The following TCL1B variants were observed in gnomAD, a reference collection of about 807,000 sequenced individuals.
TCL1B encodes TCL1 family AKT coactivator B, also known as T-cell leukemia/lymphoma protein 1B.
Under a neutral mutation model 16.9 loss-of-function variants are expected in TCL1B, and 14 were observed. The ratio of observed to expected loss-of-function variants is 0.83; its 90% CI spans 0.55 to 1.30. TCL1B has a LOEUF of 1.30. Among genes scored for constraint, TCL1B ranks in the 50% most tolerant of loss-of-function variants. The pLI is 0.00. For synonymous variants in TCL1B, 79 were observed against 66.6 expected, an observed-to-expected ratio of 1.19 and a Z score of -0.91; for missense variants, 166 against 165.2, an observed-to-expected ratio of 1.00 and a Z score of -0.03.
chr14:95,691,464 C>T, intron 3 of TCL1B, 128 bp downstream of exon 3: 1 of 770,082 alleles, frequency 1.3e-6, no homozygotes, highest in South Asian at 1.7e-5. Context: ...ACATAGCCAC[C>T]TGTCACCTCT....
chr14:95,689,082 C>T (rs58390694), intron 1 of TCL1B, among the ~76,000 whole-genome samples: 42,521 of 151,724 alleles, frequency 0.28, 6,643 homozygotes, highest in East Asian at 0.57. Context: ...GTCAGGAGAT[C>T]GAGACCATCC....
rs1249967996 is a variant in TCL1B, at chr14:95,692,198, A to C, written c.*283A>C. ...GAGCCAGTTTCCCCTGCTGGCTGCAAGCTGTGGGTTCTTTCTCCTCTGTGC... is the reference window on the plus strand; with the variant it reads ...GAGCCAGTTTCCCCTGCTGGCTGCACGCTGTGGGTTCTTTCTCCTCTGTGC... On this transcript the variant is annotated 3_prime_UTR_variant, in exon 4 of 4. Coordinates refer to ENST00000340722, the MANE Select transcript of TCL1B (RefSeq NM_004918.4). The C allele has an allele frequency of 6.5e-6, 1 of 153,066 alleles. No individual in the cohort carries two copies. The highest frequency in any genetic ancestry group is 1.5e-5 in the Non-Finnish European group (1 of 68,806). 9.5% of individuals were successfully genotyped at this position (153,066 alleles called of 1,614,324 possible). A position where few individuals can be genotyped will look rare whatever the true frequency, so the allele number is the denominator to read the frequency against.
chr14:95,691,418 GCCT>G, intron 3 of TCL1B, 82 bp downstream of exon 3: 13 of 1,318,280 alleles, frequency 9.9e-6, no homozygotes, highest in Non-Finnish European at 1.4e-5. Context: ...AGACGGCGTG[GCCT>G]CCTCCTCCCT....
At chr14:95,690,975 C>T (rs2139706044) in intron 2 of TCL1B, 69 bp downstream of exon 2, 1 of 1,560,128 alleles carries the variant, frequency 6.4e-7, no homozygotes, top group East Asian at 2.3e-5. Context: ...CCTCTCTCTT[C>T]TGTGCCCCTG....
chr14:95,686,482 T>G lies in TCL1B; in HGVS notation c.15T>G (p.Ala5=). Residue 5 remains alanine, a synonymous_variant, in exon 1 of 4, where the codon GCT becomes GCG. Transcript: ENST00000340722. Reference sequence around the variant, plus strand: ...GCAGACTTGCCATGGCCTCCGAAGCTTCTGTGCGTCTAGGGGTGCCCCCTG... The same window carrying G: ...GCAGACTTGCCATGGCCTCCGAAGCGTCTGTGCGTCTAGGGGTGCCCCCTG... The part of the protein sequence containing the change: MASE[A]SVRLGVPPGR... The G allele has an allele frequency of 6.2e-7, 1 of 1,601,724 alleles. No individual in the cohort carries two copies. Among genetic ancestry groups the G allele is most frequent in the Non-Finnish European group, 8.5e-7 (1 of 1,174,156 alleles).
At position 95,692,412 on chromosome 14, in the gene TCL1B, G is replaced by C. The variant is rs918693307; in HGVS notation, c.*497G>C. ...TGGATGTGGACTTGGATGCCCTGTG[G>C]GTATCAGTTCTGCTGACACTTTGGC... On this transcript the variant is annotated 3_prime_UTR_variant, in exon 4 of 4. Coordinates refer to ENST00000340722, the MANE Select transcript of TCL1B (RefSeq NM_004918.4). The C allele has an allele frequency of 6.6e-6, 1 of 152,358 alleles. No homozygotes were observed. Among genetic ancestry groups the C allele is most frequent in the Admixed American group, 6.5e-5 (1 of 15,288 alleles). The allele number at this position is 152,358 out of a possible 1,614,324, so 9.4% of individuals were successfully genotyped here.
At chr14:95,686,763 C>T (rs1046082341) in intron 1 of TCL1B, 134 bp downstream of exon 1, 4 of 1,109,450 alleles carry the variant, frequency 3.6e-6, no homozygotes, top group Admixed American at 3.2e-5. Context: ...GGTCTAGGAG[C>T]GCAGCAATGT....
intron 1 of TCL1B, among the ~76,000 whole-genome samples, chr14:95,687,746 A>G (rs1217369550): frequency 6.6e-6 from 1 of 152,010 alleles, no homozygotes; most frequent in Non-Finnish European, 1.5e-5. Flanking sequence ...AGATCAGGAG[A>G]TCGAGACCAT....
At position 95,690,898 on chromosome 14, in the gene TCL1B, C is replaced by A. The variant is rs1462838887; in HGVS notation, c.325C>A (p.His109Asn). 6.2e-7 allele frequency: 1 copy of A among 1,613,510 alleles called. No individual in the cohort carries two copies. Among genetic ancestry groups the A allele is most frequent in the East Asian group, 2.2e-5 (1 of 44,876 alleles). The change falls in exon 2 of 4, where the codon CAT becomes AAT. Residue 109 changes from histidine to asparagine, a missense_variant. His to Asn is a moderately conservative substitution (Grantham distance 68). Coordinates refer to ENST00000340722, the MANE Select transcript of TCL1B (RefSeq NM_004918.4). ...TTCCAGTTTCTGGGAAATAGCAGAC[C>A]ATGGCCAGGCAAGTGTGTGGTGGTT... ...ADSSFWEIAD[H>N]GQIDSMEQLV...
At chr14:95,689,043 T>C (rs1426877371) in intron 1 of TCL1B, among the ~76,000 whole-genome samples, 1 of 152,088 alleles carries the variant, frequency 6.6e-6, no homozygotes, top group East Asian at 1.9e-4. Context: ...TCCCAGCACT[T>C]TGGGGGGCCG....
intron 1 of TCL1B, among the ~76,000 whole-genome samples, chr14:95,689,121 C>T (rs1287468736): frequency 6.6e-6 from 1 of 151,934 alleles, no homozygotes; most frequent in East Asian, 1.9e-4. Context: ...CCCGTCTCTA[C>T]TAAAAATACA....
At chr14:95,688,002 CTGTT>C (rs986755792) in intron 1 of TCL1B, among the ~76,000 whole-genome samples, 10 of 150,238 alleles carry the variant, frequency 6.7e-5, no homozygotes, top group African/African-American at 1.7e-4. Flanking sequence ...AATTCACTGC[CTGTT>C]TGTTTGTTTT....
intron 3 of TCL1B, chr14:95,691,604 A>C (rs1400737344): frequency 1.6e-5 from 5 of 317,860 alleles, no homozygotes; most frequent in Non-Finnish European, 2.9e-5. Context: ...TGTACGTGTT[A>C]ATGTCCCATT....
intron 1 of TCL1B, chr14:95,688,356 C>A (rs914411888): frequency 6.6e-6 from 1 of 151,980 alleles, no homozygotes; most frequent in Non-Finnish European, 1.5e-5. Flanking sequence ...TAGGTTATTT[C>A]AAAAAATGTT....
rs773337089 is a variant in TCL1B at position 95,686,503 on chromosome 14, C to G, written c.36C>G (p.Pro12=). The G allele has an allele frequency of 8.7e-6, 14 of 1,612,480 alleles. No individual in the cohort carries two copies. The highest frequency in any genetic ancestry group is 1.1e-5 in the Non-Finnish European group (13 of 1,179,114). The change falls in exon 1 of 4, where the codon CCC becomes CCG. Residue 12 remains proline, a synonymous_variant. Transcript: ENST00000340722. The part of the protein sequence containing the change: ...ASEASVRLGV[P]PGRLWIQRPG... ...AAGCTTCTGTGCGTCTAGGGGTGCCCCCTGGCCGTCTGTGGATCCAGAGGC... is the reference window on the plus strand; with the variant it reads ...AAGCTTCTGTGCGTCTAGGGGTGCCGCCTGGCCGTCTGTGGATCCAGAGGC...
At chr14:95,687,956 A>AAAC (rs1566739818) in intron 1 of TCL1B, among the ~76,000 whole-genome samples, 1 of 151,286 alleles carries the variant, frequency 6.6e-6, no homozygotes, top group African/African-American at 2.4e-5. Context: ...CGTCCCAAAA[A>AAAC]AAAAAAAAAA....
chr14:95,688,787 A>G (rs915935656), intron 1 of TCL1B, among the ~76,000 whole-genome samples: 1 of 152,234 alleles, frequency 6.6e-6, no homozygotes, highest in Non-Finnish European at 1.5e-5. Context: ...CAGTCACGGA[A>G]GGACAGATTC....
intron 3 of TCL1B, 172 bp downstream of exon 3, chr14:95,691,508 T>A: frequency 1.7e-6 from 1 of 586,520 alleles, no homozygotes; most frequent in East Asian, 2.9e-5. Flanking sequence ...TGGTACACAG[T>A]GGGTGGGCCC....
Position 95,686,627 on chromosome 14 carries a change from A to G in TCL1B, c.160A>G (p.Arg54Gly). Residue 54 changes from arginine to glycine, a missense_variant and splice_region_variant, in exon 1 of 4, where the codon AGA (arginine) becomes GGA (glycine). By Grantham distance (125) the Arg-to-Gly change is moderately radical. Coordinates refer to ENST00000340722, the MANE Select transcript of TCL1B (RefSeq NM_004918.4). ...REWARASQGS[R>G]YEPSITVHLW... ...ATGGGCCAGGGCCTCCCAGGGCAGC[A>G]GAGTGAGTCCTGGGCACGAGGGGAG... The G allele has an allele frequency of 1.9e-6, 3 of 1,606,206 alleles. No homozygotes were observed. The highest frequency in any genetic ancestry group is 1.7e-6 in the Non-Finnish European group (2 of 1,176,084).
Sources: allele counts gnomAD v4.1 joint callset (sites outside exome capture counted in the v4.1 genomes callset), GRCh38; gene constraint gnomAD v4.1.1; transcripts MANE v1.5; gene names NCBI Gene and HGNC (gene_info 2026-07-23, HGNC 2026-07-21).